Variants in MYO18B observed in about 807,000 individuals in gnomAD.
MYO18B encodes the protein myosin XVIIIB, also known as unconventional myosin-XVIIIb.
In MYO18B, 204 loss-of-function variants were observed where a neutral mutation model predicts 273.0. The observed-to-expected ratio is 0.75, with a 90% CI of 0.67 to 0.84. MYO18B has a LOEUF of 0.84. Among genes scored for constraint, MYO18B ranks in the 40% least tolerant of loss-of-function variants. MYO18B has a pLI of 0.00. For synonymous variants in MYO18B, 1,330 were observed against 1,305.7 expected, an observed-to-expected ratio of 1.02 and a Z score of -0.40; for missense variants, 3,212 against 3,287.6, an observed-to-expected ratio of 0.98 and a Z score of 0.56.
chr22:25,892,760 A>G (rs547980165), intron 27 of MYO18B: 1 of 152,332 alleles, frequency 6.6e-6, no homozygotes, highest in South Asian at 2.1e-4. Flanking sequence ...AGGCTCTCTT[A>G]TAAGCGAGAC....
At chr22:25,842,907 G>T (rs993832910) in intron 17 of MYO18B, among the ~76,000 whole-genome samples, 1 of 152,122 alleles carries the variant, frequency 6.6e-6, no homozygotes, top group Non-Finnish European at 1.5e-5. Flanking sequence ...TTTGTGATTC[G>T]GGAACATCAG....
At chr22:25,753,699 CA>C (rs1568968066) in intron 1 of MYO18B, among the ~76,000 whole-genome samples, 1 of 152,198 alleles carries the variant, frequency 6.6e-6, no homozygotes, top group Non-Finnish European at 1.5e-5. Flanking sequence ...CGACCAACTC[CA>C]GACGCGGTGC....
At chr22:25,842,994 AC>A (rs2090129853) in intron 17 of MYO18B, among the ~76,000 whole-genome samples, 2 of 152,198 alleles carry the variant, frequency 1.3e-5, no homozygotes, top group South Asian at 4.1e-4. Flanking sequence ...CGGACACTAT[AC>A]TAAAATATTT....
chr22:25,940,663 G>A (rs936780488), intron 34 of MYO18B, among the ~76,000 whole-genome samples: 4 of 152,120 alleles, frequency 2.6e-5, no homozygotes, highest in African/African-American at 4.8e-5. Flanking sequence ...TAGAGAGAAT[G>A]CAACCTCTCC....
At chr22:25,948,364 C>T (rs2092740141) in intron 36 of MYO18B, among the ~76,000 whole-genome samples, 1 of 152,152 alleles carries the variant, frequency 6.6e-6, no homozygotes, top group Non-Finnish European at 1.5e-5. Flanking sequence ...ATTTATTCAC[C>T]TATCCACCTA....
chr22:25,932,589 T>C (rs1456563124), intron 34 of MYO18B, among the ~76,000 whole-genome samples: 1 of 151,778 alleles, frequency 6.6e-6, no homozygotes, highest in African/African-American at 2.4e-5. Context: ...TTTGTATTTT[T>C]AGTAGAGACG....
chr22:26,021,418 C>T (rs560369976), intron 42 of MYO18B, among the ~76,000 whole-genome samples: 3 of 152,306 alleles, frequency 2.0e-5, no homozygotes, highest in East Asian at 1.9e-4. Context: ...CTACTATGTG[C>T]CTGAGGACTG....
At chr22:25,792,775 G>GCC (rs1227635517) in intron 11 of MYO18B, among the ~76,000 whole-genome samples, 1 of 152,176 alleles carries the variant, frequency 6.6e-6, no homozygotes, top group Non-Finnish European at 1.5e-5. Context: ...ACAGGCGTGA[G>GCC]ATGCATTGAA....
chr22:25,813,859 A>G (rs1010788127), intron 12 of MYO18B, among the ~76,000 whole-genome samples: 2 of 152,052 alleles, frequency 1.3e-5, no homozygotes, highest in Non-Finnish European at 2.9e-5. Flanking sequence ...CATTCTGCCC[A>G]AATGCCTTCC....
At position 25,833,046 on chromosome 22, in the gene MYO18B, A is replaced by G. The variant is rs950458025; in HGVS notation, c.3060+49A>G. 4 of 1,531,914 alleles carry G rather than the reference A, an allele frequency of 2.6e-6. No individual in the cohort carries two copies. The African/African-American group carries it at 5.5e-5, about 21-fold the overall frequency. The allele number at this position is 1,531,914 out of a possible 1,614,324, so 94.9% of individuals were successfully genotyped here. ...AGGCTCTCAGATGCCAGTTGGCCAT[A>G]TTGAAATGCTGGTGGATTTGAGTCT... On this transcript the variant is annotated intron_variant, in intron 16 of 43. Transcript: ENST00000335473.
At chr22:25,948,834 A>G (rs35744175) in intron 36 of MYO18B, among the ~76,000 whole-genome samples, 91 of 152,098 alleles carry the variant, frequency 6.0e-4, no homozygotes, top group Non-Finnish European at 1.1e-3. Flanking sequence ...GCAAATCCTG[A>G]CCTAGGTTGG....
downstream of MYO18B, among the ~76,000 whole-genome samples, chr22:26,033,296 C>T (rs1472006450): frequency 6.6e-6 from 1 of 152,330 alleles, no homozygotes; most frequent in Non-Finnish European, 1.5e-5. Flanking sequence ...AGTGAGCAGG[C>T]AGAGTCACCC....
At position 26,004,645 on chromosome 22, in the gene MYO18B, A is replaced by G. The variant is rs1018138910; in HGVS notation, c.6333-73A>G. The stretch of plus-strand genomic sequence containing the variant: ...CTTAGCACAATGCCTGGCTTATGCT[A>G]TGGGTGAATATCTAATTATTGCTGT... On this transcript the variant is annotated intron_variant, in intron 41 of 43. Transcript: ENST00000335473. 16 of 1,565,172 alleles carry G rather than the reference A, an allele frequency of 1.0e-5. No homozygotes were observed. In the African/African-American group the frequency reaches 1.2e-4, roughly 12 times the overall value.
chr22:26,032,021 G>A (rs888397638), downstream of MYO18B, among the ~76,000 whole-genome samples: 2 of 152,194 alleles, frequency 1.3e-5, no homozygotes, highest in East Asian at 1.9e-4. Context: ...CAACACTTAG[G>A]TGTGGGGTGG....
At chr22:25,868,476 C>A in intron 22 of MYO18B, 91 bp downstream of exon 22, 1 of 1,048,904 alleles carries the variant, frequency 9.5e-7, no homozygotes, top group Non-Finnish European at 1.4e-6. Context: ...TGTCTATTAT[C>A]TCTGTACGTC....
Position 26,023,438 on chromosome 22 carries a change from C to CT in MYO18B, c.6471-3001dup, listed in dbSNP as rs540529471. ...ATTCTCCTTCCTCCTACTTTTATGC[C>CT]TTTTTTCCCCCCTATGTTTTTGGCT... On this transcript the variant is annotated intron_variant, in intron 42 of 43. Coordinates refer to ENST00000335473, the MANE Select transcript of MYO18B (RefSeq NM_032608.7). Among the ~76,000 whole-genome samples, 5 of 152,064 alleles carry CT rather than the reference C, an allele frequency of 3.3e-5. No homozygotes were observed. In the South Asian group the frequency reaches 6.2e-4, roughly 19 times the overall value.
At chr22:25,922,527 A>G (rs1222179624) in intron 34 of MYO18B, among the ~76,000 whole-genome samples, 1 of 152,090 alleles carries the variant, frequency 6.6e-6, no homozygotes, top group African/African-American at 2.4e-5. Flanking sequence ...CTCTGTTGGA[A>G]GTGTTGTGTC....
At chr22:26,037,518 C>T in the MYO18B span, among the ~76,000 whole-genome samples, 35 of 152,252 alleles carry the variant, frequency 2.3e-4, no homozygotes, top group South Asian at 2.5e-3. Flanking sequence ...CCTGGTTGTC[C>T]GGCCAGTACA....
At chr22:25,796,473 G>T (rs1161677932) in intron 11 of MYO18B, among the ~76,000 whole-genome samples, 2 of 152,028 alleles carry the variant, frequency 1.3e-5, no homozygotes, top group Admixed American at 1.3e-4. Context: ...GTGTGCACCT[G>T]TAGTCCCAGC....
Sources: allele counts gnomAD v4.1 joint callset (sites outside exome capture counted in the v4.1 genomes callset), GRCh38; gene constraint gnomAD v4.1.1; transcripts MANE v1.5; gene names NCBI Gene and HGNC (gene_info 2026-07-23, HGNC 2026-07-21).